Variants in DARS1 observed in about 807,000 individuals in gnomAD.
DARS1 encodes aspartyl-tRNA synthetase 1.
Under a neutral mutation model 68.8 loss-of-function variants are expected in DARS1, and 51 were observed. That is an observed-to-expected ratio of 0.74 (90% CI 0.59 to 0.94). DARS1 has a LOEUF of 0.94. Ranked by LOEUF, DARS1 falls within the 40% of genes least tolerant of loss-of-function variation. The pLI is 0.00. For missense variants in DARS1, 607 were observed against 597.3 expected, an observed-to-expected ratio of 1.02 and a Z score of -0.17; for synonymous variants, 203 against 190.4, an observed-to-expected ratio of 1.07 and a Z score of -0.55.
intron 4 of DARS1, among the ~76,000 whole-genome samples, chr2:135,952,736 A>G (rs1166517501): frequency 6.6e-6 from 1 of 152,210 alleles, no homozygotes; most frequent in East Asian, 1.9e-4. Flanking sequence ...ATAGTATTCC[A>G]GAGTGTATAT....
At chr2:135,966,424 A>G (rs1247314065) in intron 3 of DARS1, among the ~76,000 whole-genome samples, 4 of 152,256 alleles carry the variant, frequency 2.6e-5, no homozygotes, top group African/African-American at 9.6e-5. Flanking sequence ...ATCAACTGCT[A>G]AATATTATTA....
intron 5 of DARS1, among the ~76,000 whole-genome samples, chr2:135,938,063 G>C (rs934703110): frequency 6.6e-6 from 1 of 152,184 alleles, no homozygotes; most frequent in Admixed American, 6.5e-5. Context: ...AATTCTCCTG[G>C]ATAATATCCT....
intron 4 of DARS1, among the ~76,000 whole-genome samples, chr2:135,959,700 C>T (rs915064896): frequency 6.6e-6 from 1 of 152,150 alleles, no homozygotes; most frequent in Non-Finnish European, 1.5e-5. Context: ...CTAAACACAT[C>T]ACATGGATTA....
At chr2:135,917,865 T>A (rs555001312) in intron 10 of DARS1, among the ~76,000 whole-genome samples, 6 of 152,310 alleles carry the variant, frequency 3.9e-5, no homozygotes, top group Admixed American at 2.6e-4. Flanking sequence ...GCCATTGATT[T>A]ATTAAAATCT....
intron 4 of DARS1, among the ~76,000 whole-genome samples, chr2:135,961,154 G>A (rs1343366610): frequency 6.6e-6 from 1 of 152,206 alleles, no homozygotes; most frequent in East Asian, 1.9e-4. Flanking sequence ...CTACTTGAAA[G>A]TAAATGTGAC....
intron 3 of DARS1, among the ~76,000 whole-genome samples, chr2:135,970,651 A>G (rs1020104682): frequency 6.6e-6 from 1 of 152,248 alleles, no homozygotes. Context: ...ACAATATAAA[A>G]GATCAATGAA....
intron 3 of DARS1, among the ~76,000 whole-genome samples, chr2:135,971,265 A>G (rs1682362348): frequency 6.6e-6 from 1 of 152,194 alleles, no homozygotes; most frequent in African/African-American, 2.4e-5. Context: ...GATTTATCTC[A>G]GGGATGCAAG....
rs992435404 is a variant in DARS1 at position 135,907,242 on chromosome 2, C to CTTTTTTTTTTTTTTTTTTTTT, written c.*73_*74insAAAAAAAAAAAAAAAAAAAAA. ...TACTGAAAAGAATAAGTGTGGCTTT[C>CTTTTTTTTTTTTTTTTTTTTT]TTTTTTTTTTTTTTTTTTTGAGGCA... is the stretch of plus-strand genomic sequence containing the variant. On this transcript the variant is annotated 3_prime_UTR_variant, in exon 16 of 16. Coordinates refer to ENST00000264161, the MANE Select transcript of DARS1 (RefSeq NM_001349.4). 3.3e-4 allele frequency: 150 copies of CTTTTTTTTTTTTTTTTTTTTT among 453,698 alleles called. 14 individuals are homozygous for CTTTTTTTTTTTTTTTTTTTTT. In the African/African-American group the frequency reaches 3.5e-3, roughly 10 times the overall value. The allele number at this position is 453,698 out of a possible 1,614,324, so 28.1% of individuals were successfully genotyped here. A position where few individuals can be genotyped will look rare whatever the true frequency, so the allele number is the denominator to read the frequency against.
At chr2:135,981,372 C>T (rs1288699734) in intron 2 of DARS1, among the ~76,000 whole-genome samples, 6 of 152,134 alleles carry the variant, frequency 3.9e-5, no homozygotes, top group Admixed American at 3.9e-4. Context: ...CCCCTATACT[C>T]TATTGCTCAT....
intron 1 of DARS1, among the ~76,000 whole-genome samples, chr2:135,984,826 G>A (rs947022946): frequency 6.6e-6 from 1 of 152,066 alleles, no homozygotes; most frequent in African/African-American, 2.4e-5. Context: ...TTATCCACGT[G>A]ATTTGGGGTC....
intron 10 of DARS1, among the ~76,000 whole-genome samples, chr2:135,919,158 G>T (rs1681062294): frequency 6.6e-6 from 1 of 152,018 alleles, no homozygotes; most frequent in African/African-American, 2.4e-5. Context: ...AGCCTCCCAA[G>T]TAGCTGGGAT....
chr2:135,948,450 C>T (rs1681773454), intron 4 of DARS1, among the ~76,000 whole-genome samples: 1 of 152,204 alleles, frequency 6.6e-6, no homozygotes, highest in Non-Finnish European at 1.5e-5. Context: ...ATATATGACA[C>T]ACATAAATCT....
At chr2:135,928,715 G>A (rs1000514764) in intron 7 of DARS1, among the ~76,000 whole-genome samples, 1 of 147,882 alleles carries the variant, frequency 6.8e-6, no homozygotes, top group African/African-American at 2.5e-5. Context: ...TTGTCGCCCA[G>A]GCTAGAGTGC....
intron 3 of DARS1, among the ~76,000 whole-genome samples, chr2:135,971,155 C>T (rs1682360270): frequency 6.6e-6 from 1 of 152,182 alleles, no homozygotes; most frequent in South Asian, 2.1e-4. Flanking sequence ...AAACTACAGA[C>T]CACTATCTCT....
At chr2:135,971,335 A>G (rs1003945857) in intron 3 of DARS1, among the ~76,000 whole-genome samples, 5 of 152,194 alleles carry the variant, frequency 3.3e-5, no homozygotes, top group Non-Finnish European at 5.9e-5. Flanking sequence ...ATGAAGGACA[A>G]AAGCGATATG....
chr2:135,941,222 A>C (rs1309699114), intron 5 of DARS1, among the ~76,000 whole-genome samples: 1 of 152,228 alleles, frequency 6.6e-6, no homozygotes, highest in Non-Finnish European at 1.5e-5. Flanking sequence ...AAGCCAAAAG[A>C]ACAAAACTGG....
At chr2:135,943,931 TAAG>T (rs1210054041) in intron 4 of DARS1, among the ~76,000 whole-genome samples, 4 of 152,188 alleles carry the variant, frequency 2.6e-5, no homozygotes, top group African/African-American at 9.7e-5. Flanking sequence ...TTTAAGGTAA[TAAG>T]AGGACATTAG....
intron 7 of DARS1, among the ~76,000 whole-genome samples, chr2:135,930,657 T>C (rs750088447): frequency 2.0e-5 from 3 of 152,134 alleles, no homozygotes; most frequent in Admixed American, 6.5e-5. Context: ...GGGGTCTAGA[T>C]AAAGAAATAA....
intron 3 of DARS1, among the ~76,000 whole-genome samples, chr2:135,968,820 C>T (rs991791187): frequency 5.9e-5 from 9 of 152,004 alleles, no homozygotes; most frequent in African/African-American, 2.2e-4. Context: ...TGCCATGATG[C>T]CCGGCTATTT....
Sources: gnomAD v4.1 joint callset for allele counts (sites outside exome capture counted in the v4.1 genomes callset) on GRCh38, gnomAD v4.1.1 for gene constraint, MANE v1.5 for transcripts, NCBI Gene and HGNC (gene_info 2026-07-23, HGNC 2026-07-21) for gene names.